The following DAB1 variants were observed in gnomAD, a reference collection of about 807,000 sequenced individuals.
DAB1 encodes the protein DAB adaptor protein 1.
Under a neutral mutation model 64.6 loss-of-function variants are expected in DAB1, and 15 were observed. The ratio of observed to expected loss-of-function variants is 0.23; its 90% CI spans 0.16 to 0.36. The LOEUF (loss-of-function observed/expected upper bound fraction) is 0.36, where lower values mean the gene tolerates loss of function less well. DAB1 is among the 10% of genes least tolerant of loss of function. DAB1 has a pLI of 1.00. For synonymous variants in DAB1, 235 were observed against 251.9 expected (o/e 0.93, Z 0.64); for missense variants, 596 against 706.7 (o/e 0.84, Z 1.78).
At chr1:58,128,430 T>C (rs886560765) in intron 5 of DAB1, among the ~76,000 whole-genome samples, 4 of 134,804 alleles carry the variant, frequency 3.0e-5, no homozygotes, top group Non-Finnish European at 6.2e-5. Context: ...CTTCCTCTTT[T>C]CCTAATTGAA....
At chr1:57,285,741 C>T (rs1672263311) in intron 2 of DAB1, among the ~76,000 whole-genome samples, 1 of 152,166 alleles carries the variant, frequency 6.6e-6, no homozygotes, top group Non-Finnish European at 1.5e-5. Context: ...TGCTGTGCTC[C>T]AAAGTCAGTG....
chr1:57,723,318 T>G (rs921816081), intron 6 of DAB1, among the ~76,000 whole-genome samples: 6 of 152,244 alleles, frequency 3.9e-5, no homozygotes, highest in Non-Finnish European at 7.3e-5. Context: ...ATGTCAGCTA[T>G]TACATGTATT....
At position 57,367,066 on chromosome 1, in the gene DAB1, A is replaced by T. The variant is rs1483320607; in HGVS notation, c.-137+56864T>A. Among the ~76,000 whole-genome samples, 9 of 78,984 alleles carry T rather than the reference A, an allele frequency of 1.1e-4. No individual in the cohort carries two copies. The East Asian group carries it at 1.9e-3, about 16-fold the overall frequency. 51.8% of individuals were successfully genotyped at this position (78,984 alleles called of 152,430 possible). A position where few individuals can be genotyped will look rare whatever the true frequency, so the allele number is the denominator to read the frequency against. On this transcript the variant is annotated intron_variant, in intron 1 of 14. Coordinates refer to ENST00000371236, the MANE Select transcript of DAB1 (RefSeq NM_001365792.1). ...CACAAAATAAAATAAAATAAAATAAAATAAAATAAAATAAAATAAAATAAA... is the reference window on the plus strand; with the variant it reads ...CACAAAATAAAATAAAATAAAATAATATAAAATAAAATAAAATAAAATAAA...
intron 7 of DAB1, among the ~76,000 whole-genome samples, chr1:57,529,312 T>C (rs1238916810): frequency 2.0e-5 from 3 of 151,764 alleles, no homozygotes; most frequent in Non-Finnish European, 4.4e-5. Flanking sequence ...CTTAAAAGGA[T>C]AGAGGAACAA....
chr1:57,794,724 T>C (rs1025072526), intron 6 of DAB1, among the ~76,000 whole-genome samples: 5 of 152,228 alleles, frequency 3.3e-5, no homozygotes, highest in African/African-American at 1.2e-4. Flanking sequence ...ATACTTTATT[T>C]ATTTATTACT....
Position 58,041,777 on chromosome 1 carries a change from G to T in DAB1, n.387+108734C>A, listed in dbSNP as rs577928924. 2.6e-5 allele frequency among the ~76,000 whole-genome samples: 4 copies of T among 152,320 alleles called. No individual in the cohort carries two copies. In the East Asian group the frequency reaches 7.7e-4, roughly 29 times the overall value. On this transcript the variant is annotated intron_variant and non_coding_transcript_variant, in intron 5 of 20. Transcript: ENST00000485760. ...TTCCTGTGTGCTCTAGGCTATGAAGGATTACGAGGCTGCATCAGGACTGGC... is the reference window on the plus strand; with the variant it reads ...TTCCTGTGTGCTCTAGGCTATGAAGTATTACGAGGCTGCATCAGGACTGGC...
chr1:57,660,734 A>T (rs559593514), intron 6 of DAB1, among the ~76,000 whole-genome samples: 63 of 152,324 alleles, frequency 4.1e-4, no homozygotes, highest in African/African-American at 1.5e-3. Context: ...TGCTGGGGCC[A>T]CCCAGTATTC....
chr1:58,523,465 G>A (rs917802811), intron 2 of DAB1, among the ~76,000 whole-genome samples: 2 of 152,088 alleles, frequency 1.3e-5, no homozygotes, highest in African/African-American at 4.8e-5. Context: ...CTGTTGTACT[G>A]AGCCTTAAAG....
intron 2 of DAB1, among the ~76,000 whole-genome samples, chr1:57,262,071 G>C (rs1207428145): frequency 6.6e-6 from 1 of 152,190 alleles, no homozygotes; most frequent in African/African-American, 2.4e-5. Flanking sequence ...TTTCCAGCTG[G>C]TCAACAGGGG....
intron 5 of DAB1, among the ~76,000 whole-genome samples, chr1:58,117,479 C>T (rs1250006049): frequency 6.6e-6 from 1 of 152,190 alleles, no homozygotes; most frequent in Non-Finnish European, 1.5e-5. Flanking sequence ...ACACTGCCAC[C>T]TCTTTCCACA....
chr1:57,503,682 A>T (rs961032204), intron 7 of DAB1, among the ~76,000 whole-genome samples: 12 of 152,120 alleles, frequency 7.9e-5, no homozygotes, highest in African/African-American at 2.9e-4. Context: ...CTGGTAGGGG[A>T]TTCTACTTCT....
chr1:58,399,198 T>A (rs3850539), intron 3 of DAB1, among the ~76,000 whole-genome samples: 69,919 of 152,130 alleles, frequency 0.46, 16,966 homozygotes, highest in East Asian at 0.76. Flanking sequence ...TACATCTGTA[T>A]AGTGCTTTGA....
intron 9 of DAB1, among the ~76,000 whole-genome samples, chr1:57,053,690 T>A (rs796921675): frequency 0.019 from 620 of 33,470 alleles, 1 homozygote; most frequent in Non-Finnish European, 0.024. Context: ...ATATATATAT[T>A]TTTTTTTTTT....
intron 4 of DAB1, among the ~76,000 whole-genome samples, chr1:57,105,381 T>C (rs1020923410): frequency 1.3e-5 from 2 of 151,306 alleles, no homozygotes; most frequent in African/African-American, 2.4e-5. Context: ...CTTCCCAGTG[T>C]GTGGTGTGTG....
At position 57,138,893 on chromosome 1, in the gene DAB1, T is replaced by G. The variant is rs3912848; in HGVS notation, c.208-2252A>C. 7.8e-3 allele frequency among the ~76,000 whole-genome samples: 1,188 copies of G among 152,282 alleles called. 22 individuals are homozygous for G. Among genetic ancestry groups the G allele is most frequent in the African/African-American group, 0.027 (1,111 of 41,546 alleles). On this transcript the variant is annotated intron_variant, in intron 3 of 14. Coordinates refer to ENST00000371236, the MANE Select transcript of DAB1 (RefSeq NM_001365792.1). ...CTGCCTTTGCCTAATAGAACAAAAG[T>G]TCAGTTGTGCATGGAACTTTTTTTA...
chr1:57,312,772 T>C (rs1377252063), intron 1 of DAB1, among the ~76,000 whole-genome samples: 1 of 152,070 alleles, frequency 6.6e-6, no homozygotes, highest in Non-Finnish European at 1.5e-5. Flanking sequence ...TCCCAAAGGT[T>C]CTCATTTGCA....
At chr1:57,791,140 C>A (rs1456508323) in intron 6 of DAB1, among the ~76,000 whole-genome samples, 1 of 152,102 alleles carries the variant, frequency 6.6e-6, no homozygotes, top group Non-Finnish European at 1.5e-5. Context: ...AGCTTATAGT[C>A]TAATAGAGGA....
rs534227811 is a variant in DAB1, at chr1:58,075,679, T to C, written n.387+74832A>G. 3.9e-5 allele frequency among the ~76,000 whole-genome samples: 6 copies of C among 152,304 alleles called. No homozygotes were observed. In the East Asian group the frequency reaches 1.2e-3, roughly 29 times the overall value. On this transcript the variant is annotated intron_variant and non_coding_transcript_variant, in intron 5 of 20. Coordinates refer to the DAB1 transcript ENST00000485760. Reference sequence around the variant, plus strand: ...AAATGACATAGAAGTGTCCTCAGAATTCAAGGTCACAAATGCAGCTGGGCT... The same window carrying C: ...AAATGACATAGAAGTGTCCTCAGAACTCAAGGTCACAAATGCAGCTGGGCT...
At chr1:58,533,155 T>C (rs1397305168) in intron 1 of DAB1, among the ~76,000 whole-genome samples, 1 of 152,202 alleles carries the variant, frequency 6.6e-6, no homozygotes, top group Non-Finnish European at 1.5e-5. Flanking sequence ...AGATGTGTTA[T>C]TTTTCCTGGA....
Sources: gnomAD v4.1 joint callset for allele counts (sites outside exome capture counted in the v4.1 genomes callset) on GRCh38, gnomAD v4.1.1 for gene constraint, MANE v1.5 for transcripts, NCBI Gene and HGNC (gene_info 2026-07-23, HGNC 2026-07-21) for gene names.